Variants in STK4 observed in about 807,000 individuals in gnomAD.
The protein encoded by STK4 is serine/threonine kinase 4, also known as serine/threonine-protein kinase 4.
A neutral mutation model predicts 64.9 loss-of-function variants in STK4; 30 were observed. That is an observed-to-expected ratio of 0.46 (90% CI 0.35 to 0.63). The LOEUF is 0.63. Ranked by LOEUF, STK4 falls within the 20% of genes least tolerant of loss-of-function variation. The pLI is 0.01. For missense variants in STK4, 466 were observed against 598.5 expected (o/e 0.78, Z 2.31); for synonymous variants, 177 against 199.0 (o/e 0.89, Z 0.93).
At chr20:45,001,662 C>T (rs916643359) in intron 9 of STK4, among the ~76,000 whole-genome samples, 3 of 152,164 alleles carry the variant, frequency 2.0e-5, no homozygotes, top group African/African-American at 2.4e-5. Context: ...CAAGCACATG[C>T]ATTGTTTGAT....
At chr20:44,979,878 T>C (rs537285034) in intron 3 of STK4, among the ~76,000 whole-genome samples, 2 of 152,216 alleles carry the variant, frequency 1.3e-5, no homozygotes, top group South Asian at 4.1e-4. Context: ...TGCTCCTTTT[T>C]CAGATACATT....
At chr20:45,036,341 A>ATCCCTTCATGGTGCATGAT (rs1251313375) in intron 10 of STK4, among the ~76,000 whole-genome samples, 19 of 152,148 alleles carry the variant, frequency 1.2e-4, no homozygotes, top group African/African-American at 4.6e-4. Context: ...GCCATGGCGC[A>ATCCCTTCATGGTGCATGAT]TCATCCCGCC....
intron 2 of STK4, chr20:44,973,336 A>C (rs945974702): frequency 6.6e-6 from 1 of 152,202 alleles, no homozygotes; most frequent in African/African-American, 2.4e-5. Context: ...GCAAGAAATC[A>C]AGCAGAGAAG....
rs76466528 is a variant in STK4 at position 45,064,447 on chromosome 20, G to C, written c.1306-10571G>C. 5.3e-3 allele frequency among the ~76,000 whole-genome samples: 801 copies of C among 151,714 alleles called. 4 individuals are homozygous for C. The highest frequency in any genetic ancestry group is 6.5e-3 in the Non-Finnish European group (439 of 67,916). On this transcript the variant is annotated intron_variant, in intron 10 of 10. Transcript: ENST00000372806. ...AAAATTCTGTATGAATTTTTAAACT[G>C]TTTTTTTCTAATTCTGTGAAGAATG...
At chr20:45,004,418 T>C (rs1313186464) in intron 9 of STK4, 1 of 152,024 alleles carries the variant, frequency 6.6e-6, no homozygotes, top group African/African-American at 2.4e-5. Flanking sequence ...TTTCTTTGTT[T>C]TTCTCCACTC....
At chr20:44,982,314 T>G (rs1441076892) in intron 4 of STK4, among the ~76,000 whole-genome samples, 3 of 151,782 alleles carry the variant, frequency 2.0e-5, no homozygotes, top group African/African-American at 7.3e-5. Context: ...TTTTTTTTTT[T>G]TGTGGAGATG....
chr20:44,978,882 T>C (rs1190353950), intron 3 of STK4, among the ~76,000 whole-genome samples: 1 of 148,242 alleles, frequency 6.7e-6, no homozygotes, highest in Non-Finnish European at 1.5e-5. Flanking sequence ...CATTGCAACC[T>C]CCACCTCCCA....
At chr20:45,000,301 C>T in intron 7 of STK4, 91 bp from the exon 8 acceptor site, 2 of 1,445,746 alleles carry the variant, frequency 1.4e-6, no homozygotes, top group Admixed American at 4.7e-5. Flanking sequence ...TGATTCAACA[C>T]ATGTTATCCA....
chr20:44,971,771 C>T (rs574646410), intron 1 of STK4, among the ~76,000 whole-genome samples: 8 of 150,100 alleles, frequency 5.3e-5, no homozygotes, highest in Middle Eastern at 3.4e-3. Context: ...CCTGGGTTCA[C>T]GCCATTCTTA....
At chr20:45,001,051 G>A in intron 8 of STK4, 116 bp from the exon 9 acceptor site, 1 of 1,155,460 alleles carries the variant, frequency 8.7e-7, no homozygotes, top group Non-Finnish European at 1.2e-6. Context: ...GGTGAGTTTA[G>A]GACCTGAATA....
At chr20:44,999,534 A>G (rs932978700) in intron 7 of STK4, among the ~76,000 whole-genome samples, 2 of 152,240 alleles carry the variant, frequency 1.3e-5, no homozygotes, top group South Asian at 2.1e-4. Context: ...GAATTTCCAT[A>G]TGTAACTTTC....
intron 10 of STK4, among the ~76,000 whole-genome samples, chr20:45,071,183 A>T (rs551159709): frequency 1.3e-5 from 2 of 152,138 alleles, no homozygotes; most frequent in African/African-American, 4.8e-5. Flanking sequence ...TTCACATCCT[A>T]TGGGATAGAT....
At chr20:45,007,565 A>C (rs1338454164) in intron 9 of STK4, among the ~76,000 whole-genome samples, 3 of 151,936 alleles carry the variant, frequency 2.0e-5, no homozygotes, top group South Asian at 4.2e-4. Context: ...AACAAACAAA[A>C]AAAAGAAAGC....
chr20:44,994,402 G>T (rs1160872826), intron 5 of STK4, among the ~76,000 whole-genome samples: 1 of 151,078 alleles, frequency 6.6e-6, no homozygotes, highest in Admixed American at 6.6e-5. Flanking sequence ...CAAAAACAGG[G>T]CTATATTATA....
chr20:44,966,821 C>G (rs1310876289), intron 1 of STK4, among the ~76,000 whole-genome samples: 2 of 152,028 alleles, frequency 1.3e-5, no homozygotes, highest in African/African-American at 4.8e-5. Context: ...AGGGAGCACT[C>G]GCTGTGGTGA....
Position 44,997,250 on chromosome 20 carries a change from A to G in STK4, c.775A>G (p.Lys259Glu), listed in dbSNP as rs544097245. The change falls in exon 7 of 11, where the codon AAA becomes GAA. Residue 259 changes from lysine to glutamate, a missense_variant. Lys to Glu is a moderately conservative substitution (Grantham distance 56). Transcript: ENST00000372806. ...GTCAGATAACTTTACAGATTTTGTG[A>G]AACAGTGTCTTGTAAAGAGCCCTGA... is the stretch of plus-strand genomic sequence containing the variant. ...LWSDNFTDFV[K>E]QCLVKSPEQR... 1.2e-6 allele frequency: 2 copies of G among 1,613,854 alleles called. No individual in the cohort carries two copies. The highest frequency in any genetic ancestry group is 1.3e-5 in the African/African-American group (1 of 75,044).
intron 10 of STK4, among the ~76,000 whole-genome samples, chr20:45,060,323 T>TAGTTC (rs1313546298): frequency 1.3e-5 from 2 of 152,260 alleles, no homozygotes; most frequent in African/African-American, 2.4e-5. Flanking sequence ...CTAATTTGAT[T>TAGTTC]AGTTCTCTGT....
intron 10 of STK4, among the ~76,000 whole-genome samples, chr20:45,064,872 A>G (rs770133175): frequency 1.3e-5 from 2 of 152,174 alleles, no homozygotes; most frequent in African/African-American, 2.4e-5. Context: ...AGGGTTTTCT[A>G]TGTATAGAAT....
chr20:44,988,807 C>A (rs1322773108), intron 5 of STK4, among the ~76,000 whole-genome samples: 9 of 151,854 alleles, frequency 5.9e-5, no homozygotes, highest in Admixed American at 5.9e-4. Context: ...CTCTTCCCAG[C>A]CCTTGACAAC....
Sources: allele counts gnomAD v4.1 joint callset (sites outside exome capture counted in the v4.1 genomes callset), GRCh38; gene constraint gnomAD v4.1.1; transcripts MANE v1.5; gene names NCBI Gene and HGNC (gene_info 2026-07-23, HGNC 2026-07-21).